The following DNAH17 variants were observed in gnomAD, a reference collection of about 807,000 sequenced individuals.
DNAH17 encodes the protein axonemal beta dynein heavy chain 17.
A neutral mutation model predicts 485.6 loss-of-function variants in DNAH17; 376 were observed. That is an observed-to-expected ratio of 0.77 (90% CI 0.71 to 0.84). DNAH17 has a LOEUF of 0.84. DNAH17 is among the 40% of genes least tolerant of loss of function. The pLI, the probability that DNAH17 is intolerant of heterozygous loss-of-function variation, is 0.00. For missense variants in DNAH17, 6,370 were observed against 5,839.3 expected, an observed-to-expected ratio of 1.09 and a Z score of -2.96; for synonymous variants, 3,031 against 2,405.9, an observed-to-expected ratio of 1.26 and a Z score of -7.60.
At chr17:78,573,206 G>C (rs1328979744) in intron 2 of DNAH17, among the ~76,000 whole-genome samples, 1 of 152,178 alleles carries the variant, frequency 6.6e-6, no homozygotes, top group East Asian at 1.9e-4. Context: ...AAGCCTAGGA[G>C]GACTGTGATG....
chr17:78,430,384 G>A (rs927261190), intron 75 of DNAH17, among the ~76,000 whole-genome samples: 1 of 152,158 alleles, frequency 6.6e-6, no homozygotes, highest in African/African-American at 2.4e-5. Context: ...GCTTCTTCCT[G>A]CTTCCGCACA....
intron 19 of DNAH17, among the ~76,000 whole-genome samples, chr17:78,534,115 C>T (rs554512785): frequency 2.0e-5 from 3 of 152,382 alleles, no homozygotes; most frequent in Middle Eastern, 3.4e-3. Context: ...GCAAACCAGC[C>T]GACCCTCAAC....
chr17:78,450,228 C>T, intron 68 of DNAH17, 26 bp downstream of exon 68: 1 of 1,612,320 alleles, frequency 6.2e-7, no homozygotes, highest in Non-Finnish European at 8.5e-7. Flanking sequence ...TTGAGGGAGG[C>T]ACCCAGCCCC....
At chr17:78,439,430 G>C (rs1007184842) in intron 72 of DNAH17, among the ~76,000 whole-genome samples, 1 of 152,054 alleles carries the variant, frequency 6.6e-6, no homozygotes, top group Non-Finnish European at 1.5e-5. Context: ...TCATCCGTTT[G>C]GTTCTAGAAC....
chr17:78,480,085 C>G (rs11077369), intron 49 of DNAH17, among the ~76,000 whole-genome samples: 100,464 of 100,566 alleles, frequency 1, 50,181 homozygotes, highest in Middle Eastern at 1. Flanking sequence ...ACGGTGACTC[C>G]CACCTGTAAT....
At chr17:78,540,450 GGTGGGTGGGTGGGTGGGT>G (rs1568220456) in intron 17 of DNAH17, among the ~76,000 whole-genome samples, 7 of 24,372 alleles carry the variant, frequency 2.9e-4, no homozygotes, top group Middle Eastern at 0.038. Context: ...TGGATGGATG[GGTGGGTGGGTGGGTGGGT>G]ATGTGGATGT....
At chr17:78,458,371 G>A (rs563854818) in intron 62 of DNAH17, 194 bp downstream of exon 62, 1 of 599,662 alleles carries the variant, frequency 1.7e-6, no homozygotes, top group Non-Finnish European at 3.0e-6. Flanking sequence ...CACGCGACAG[G>A]GCATATTTTG....
intron 14 of DNAH17, among the ~76,000 whole-genome samples, chr17:78,553,507 G>A (rs2091956140): frequency 6.6e-6 from 1 of 151,780 alleles, no homozygotes; most frequent in Non-Finnish European, 1.5e-5. Flanking sequence ...TCACTATGTT[G>A]GCCAGGCTGG....
In DNAH17 at chr17:78,500,404, G is replaced by A; in HGVS notation, c.5541C>T (p.Gly1847=). 6.2e-7 allele frequency: 1 copy of A among 1,611,054 alleles called. No homozygotes were observed. The highest frequency in any genetic ancestry group is 8.5e-7 in the Non-Finnish European group (1 of 1,179,064). The change falls in exon 36 of 81, where the codon GGC becomes GGT. Residue 1847 remains glycine (G), a synonymous_variant. Coordinates refer to ENST00000389840, the MANE Select transcript of DNAH17 (RefSeq NM_173628.4). ...LHLIMGGAPA[G]PAGTGKTETT... ...TCTCAGTCTTGCCGGTCCCAGCGGG[G>A]CCGGCAGGGGCTCCACCCATGATGA...
chr17:78,532,564 G>A lies in DNAH17; in HGVS notation c.3032C>T (p.Ala1011Val), dbSNP rs1283610766. 1 of 1,610,116 alleles carries A rather than the reference G, an allele frequency of 6.2e-7. No individual in the cohort carries two copies. Residue 1011 changes from alanine (A) to valine (V), a missense_variant, in exon 20 of 81, where the codon GCA (alanine) becomes GTA (valine). Ala to Val is a moderately conservative substitution (Grantham distance 64, BLOSUM62 0). Coordinates refer to ENST00000389840, the MANE Select transcript of DNAH17 (RefSeq NM_173628.4). ...GGTGTCCAAGTCCTCCGCAGTGACT[G>A]CACACCCATATATCAGGAAATTCTT... is the stretch of plus-strand genomic sequence containing the variant. Reference protein sequence around the residue: ...FMKNFLIYGCAVTAEDLDTWT... With the variant: ...FMKNFLIYGCVVTAEDLDTWT...
intron 42 of DNAH17, among the ~76,000 whole-genome samples, chr17:78,492,026 C>T (rs1303642521): frequency 6.6e-6 from 1 of 152,078 alleles, no homozygotes; most frequent in Non-Finnish European, 1.5e-5. Flanking sequence ...GCTGTACATG[C>T]AGAAGCCAGC....
chr17:78,428,921 CT>C (rs200826684), intron 76 of DNAH17, among the ~76,000 whole-genome samples, 199 bp downstream of exon 76: 1 of 45,722 alleles, frequency 2.2e-5, no homozygotes, highest in Non-Finnish European at 4.6e-5. Flanking sequence ...GCATTTCTTT[CT>C]TTAAAAAAAA....
chr17:78,467,797 C>T (rs1239727726), intron 55 of DNAH17, among the ~76,000 whole-genome samples: 4 of 152,144 alleles, frequency 2.6e-5, no homozygotes, highest in Non-Finnish European at 5.9e-5. Context: ...GCAGGTGTAT[C>T]ACCTGAGGTC....
At chr17:78,476,944 G>A (rs2089058600) in intron 51 of DNAH17, among the ~76,000 whole-genome samples, 1 of 152,200 alleles carries the variant, frequency 6.6e-6, no homozygotes, top group African/African-American at 2.4e-5. Flanking sequence ...CCTGAGAGAT[G>A]TGGAGTTTTC....
At chr17:78,514,010 C>T (rs1260699458) in intron 26 of DNAH17, among the ~76,000 whole-genome samples, 2 of 151,988 alleles carry the variant, frequency 1.3e-5, no homozygotes, top group African/African-American at 2.4e-5. Context: ...GTGTCAAGGC[C>T]AGTGCCTGCC....
intron 21 of DNAH17, 76 bp from the exon 22 acceptor site, chr17:78,529,770 A>G (rs758684941): frequency 7.9e-5 from 117 of 1,484,228 alleles, no homozygotes; most frequent in Non-Finnish European, 1.0e-4. Context: ...GCCCCATGAG[A>G]GGGGGACGAC....
chr17:78,486,892 G>C (rs1348979059), intron 44 of DNAH17, among the ~76,000 whole-genome samples: 1 of 152,116 alleles, frequency 6.6e-6, no homozygotes, highest in Admixed American at 6.5e-5. Context: ...GGGACAGTAA[G>C]GGAGCAGAAA....
At chr17:78,468,485 C>G in intron 55 of DNAH17, 132 bp downstream of exon 55, 1 of 1,252,120 alleles carries the variant, frequency 8.0e-7, no homozygotes, top group Non-Finnish European at 1.1e-6. Flanking sequence ...CCACCCCTCA[C>G]ACTCTCCTAA....
intron 19 of DNAH17, chr17:78,532,975 C>A (rs1350212305): frequency 7.2e-6 from 3 of 416,634 alleles, no homozygotes; most frequent in Non-Finnish European, 1.3e-5. Flanking sequence ...CACTACAGCC[C>A]AGAACTCCTG....
Sources: allele counts gnomAD v4.1 joint callset (sites outside exome capture counted in the v4.1 genomes callset), GRCh38; gene constraint gnomAD v4.1.1; transcripts MANE v1.5; gene names NCBI Gene and HGNC (gene_info 2026-07-23, HGNC 2026-07-21).